Variants in PKP2 observed in about 807,000 individuals in gnomAD.
PKP2 encodes plakophilin-2.
In PKP2, 73 loss-of-function variants were observed where a neutral mutation model predicts 83.4. That is an observed-to-expected ratio of 0.88 (90% CI 0.72 to 1.06). The LOEUF (loss-of-function observed/expected upper bound fraction) is 1.06. PKP2 is among the 50% of genes least tolerant of loss of function. The pLI, the probability that PKP2 is intolerant of heterozygous loss-of-function variation, is 0.00. For synonymous variants in PKP2, 409 were observed against 430.4 expected (o/e 0.95, Z 0.62); for missense variants, 966 against 1,065.4 (o/e 0.91, Z 1.30).
chr12:32,894,768 T>A (rs1345522087), intron 1 of PKP2: 1 of 152,192 alleles, frequency 6.6e-6, no homozygotes, highest in African/African-American at 2.4e-5. Context: ...GGTTTCAGTT[T>A]AGCACTGGAC....
intron 3 of PKP2, among the ~76,000 whole-genome samples, chr12:32,871,210 A>G (rs1956893449): frequency 6.6e-6 from 1 of 151,940 alleles, no homozygotes. Context: ...TTCACAAGCC[A>G]CCTTCTTTGA....
chr12:32,855,329 T>C (rs1327587792), intron 4 of PKP2, among the ~76,000 whole-genome samples: 1 of 152,130 alleles, frequency 6.6e-6, no homozygotes, highest in Non-Finnish European at 1.5e-5. Context: ...AGTTCCCTCA[T>C]TAGTCAAATG....
Position 32,863,360 on chromosome 12 carries a change from C to A in PKP2, c.1170+5567G>T, listed in dbSNP as rs149868849. On this transcript the variant is annotated intron_variant, in intron 4 of 12. Transcript: ENST00000340811. ...CATGAACACAGTGGCATGGTTTGTG[C>A]CAAATTCCGAAGCAATCTTCCTGCT... 521 of 256,418 alleles carry A rather than the reference C, an allele frequency of 2.0e-3. 2 individuals carry two copies. The highest frequency in any genetic ancestry group is 0.011 in the African/African-American group (493 of 43,360). The allele number at this position is 256,418 out of a possible 1,614,324, so 15.9% of individuals were successfully genotyped here.
intron 4 of PKP2, among the ~76,000 whole-genome samples, chr12:32,854,757 T>G (rs1056852287): frequency 1.3e-5 from 2 of 152,210 alleles, no homozygotes; most frequent in African/African-American, 2.4e-5. Context: ...ATATGAGAAT[T>G]TTAACTCTCT....
At chr12:32,802,908 C>T (rs1042696285) in intron 9 of PKP2, among the ~76,000 whole-genome samples, 3 of 152,068 alleles carry the variant, frequency 2.0e-5, no homozygotes, top group African/African-American at 7.2e-5. Context: ...ATCCACCTGC[C>T]TCAGCCTCCT....
chr12:32,879,056 T>C (rs1189593779), intron 1 of PKP2, 24 bp from the exon 2 acceptor site: 2 of 1,141,572 alleles, frequency 1.8e-6, no homozygotes, highest in African/African-American at 3.0e-5. Flanking sequence ...AATATTAAAA[T>C]AACTCAGAAT....
intron 5 of PKP2, among the ~76,000 whole-genome samples, chr12:32,844,621 G>A (rs887301380): frequency 2.0e-5 from 3 of 152,196 alleles, no homozygotes; most frequent in Non-Finnish European, 4.4e-5. Flanking sequence ...TTCTAAGAGA[G>A]CTTTGAAGAA....
intron 1 of PKP2, among the ~76,000 whole-genome samples, chr12:32,889,218 G>A (rs913768823): frequency 5.3e-5 from 8 of 152,164 alleles, no homozygotes; most frequent in African/African-American, 1.9e-4. Flanking sequence ...GTGTTTGGTG[G>A]GGAGCAAGGG....
intron 9 of PKP2, among the ~76,000 whole-genome samples, chr12:32,809,508 T>C (rs1057061325): frequency 9.2e-5 from 14 of 152,214 alleles, no homozygotes; most frequent in Admixed American, 6.5e-4. Flanking sequence ...GGGACTTAAC[T>C]TGTGAGGTGC....
chr12:32,841,313 A>G, intron 5 of PKP2, 108 bp from the exon 6 acceptor site: 2 of 906,430 alleles, frequency 2.2e-6, no homozygotes, highest in Non-Finnish European at 3.6e-6. Context: ...AGTCATAAAA[A>G]AATTTGGGGG....
chr12:32,792,189 T>C lies in PKP2; in HGVS notation c.*235A>G. ...GGAAGCCATGTACCATAAGCCCTAA[T>C]AACAAAGACCACTATTTGTCGAGCC... On this transcript the variant is annotated 3_prime_UTR_variant, in exon 13 of 13. Coordinates refer to ENST00000340811, the MANE Select transcript of PKP2 (RefSeq NM_001005242.3). The C allele has an allele frequency of 1.8e-6, 1 of 565,056 alleles. No homozygotes were observed. Among genetic ancestry groups the C allele is most frequent in the South Asian group, 2.0e-5 (1 of 49,476 alleles). 35.0% of individuals were successfully genotyped at this position (565,056 alleles called of 1,614,324 possible). A position where few individuals can be genotyped will look rare whatever the true frequency, so the allele number is the denominator to read the frequency against.
intron 4 of PKP2, among the ~76,000 whole-genome samples, chr12:32,859,597 C>T (rs1956782055): frequency 6.6e-6 from 1 of 152,058 alleles, no homozygotes; most frequent in African/African-American, 2.4e-5. Flanking sequence ...GCTGGGACTA[C>T]AGGTGCATGC....
intron 1 of PKP2, among the ~76,000 whole-genome samples, chr12:32,892,810 G>C (rs546809668): frequency 3.4e-5 from 4 of 118,590 alleles, no homozygotes; most frequent in Non-Finnish European, 5.7e-5. Context: ...AGATACCTGG[G>C]GTGGGGGCGG....
At chr12:32,889,912 TA>T (rs1957062490) in intron 1 of PKP2, among the ~76,000 whole-genome samples, 1 of 151,682 alleles carries the variant, frequency 6.6e-6, no homozygotes, top group Non-Finnish European at 1.5e-5. Context: ...CCATCTCTAC[TA>T]AAAATACAAA....
chr12:32,821,326 A>G, intron 9 of PKP2, 30 bp downstream of exon 9: 1 of 1,593,006 alleles, frequency 6.3e-7, no homozygotes, highest in Non-Finnish European at 8.6e-7. Context: ...TCATTATTTT[A>G]AAAAGTAGGA....
At chr12:32,854,224 G>A (rs2137874645) in intron 4 of PKP2, among the ~76,000 whole-genome samples, 1 of 152,312 alleles carries the variant, frequency 6.6e-6, no homozygotes, top group Middle Eastern at 3.4e-3. Context: ...AGCCTCCCCA[G>A]CTCAGACCTG....
chr12:32,877,737 C>G (rs1956943459), intron 3 of PKP2, 109 bp downstream of exon 3: 1 of 818,462 alleles, frequency 1.2e-6, no homozygotes. Context: ...AATCACTTAT[C>G]TCTGGAAGCC....
At position 32,868,982 on chromosome 12, in the gene PKP2, G is replaced by T; in HGVS notation, c.1115C>A (p.Ala372Asp). 1 of 1,613,920 alleles carries T rather than the reference G, an allele frequency of 6.2e-7. No homozygotes were observed. Among genetic ancestry groups the T allele is most frequent in the South Asian group, 1.1e-5 (1 of 91,076 alleles). ...CTCGTGCTGTATGAAAGTAGCTGCAGCAGAAATCCTGGATGGCAGCATGTG... is the reference window on the plus strand; with the variant it reads ...CTCGTGCTGTATGAAAGTAGCTGCATCAGAAATCCTGGATGGCAGCATGTG... The part of the protein sequence containing the change: ...ADHMLPSRIS[A>D]AATFIQHECF... Residue 372 changes from alanine to aspartate, a missense_variant, in exon 4 of 13, where the codon GCT (alanine) becomes GAT (aspartate). Coordinates refer to ENST00000340811, the MANE Select transcript of PKP2 (RefSeq NM_001005242.3).
intron 5 of PKP2, among the ~76,000 whole-genome samples, chr12:32,848,671 T>C (rs987520736): frequency 6.6e-6 from 1 of 151,856 alleles, no homozygotes; most frequent in African/African-American, 2.4e-5. Flanking sequence ...GGGGCAAGGG[T>C]TGAAAAACTA....
Sources: allele counts gnomAD v4.1 joint callset (sites outside exome capture counted in the v4.1 genomes callset), GRCh38; gene constraint gnomAD v4.1.1; transcripts MANE v1.5; gene names NCBI Gene and HGNC (gene_info 2026-07-23, HGNC 2026-07-21).